CSMD1: variants seen among roughly 807,000 people sequenced by gnomAD.
CSMD1 encodes the protein CUB and Sushi multiple domains 1.
Under a neutral mutation model 417.5 loss-of-function variants are expected in CSMD1, and 213 were observed. The observed-to-expected ratio is 0.51, with a 90% confidence interval of 0.46 to 0.57. CSMD1 has a LOEUF of 0.57. Among genes scored for constraint, CSMD1 ranks in the 20% least tolerant of loss-of-function variants. The pLI, the probability that CSMD1 is intolerant of heterozygous loss-of-function variation, is 0.00. For synonymous variants in CSMD1, 2,862 were observed against 1,736.8 expected, an observed-to-expected ratio of 1.65 and a Z score of -16.11; for missense variants, 6,923 against 4,529.7, an observed-to-expected ratio of 1.53 and a Z score of -15.17.
intron 5 of CSMD1, among the ~76,000 whole-genome samples, chr8:3,951,467 T>C (rs1383910793): frequency 6.6e-6 from 1 of 152,196 alleles, no homozygotes. Flanking sequence ...TTTCCTCCGC[T>C]TGTGGGATTC....
intron 8 of CSMD1, among the ~76,000 whole-genome samples, chr8:3,588,600 T>C (rs2117012193): frequency 6.6e-6 from 1 of 152,284 alleles, no homozygotes; most frequent in South Asian, 2.1e-4. Flanking sequence ...ATCTTTTTCA[T>C]GCATTTTTTT....
chr8:4,306,984 C>T (rs1034279238), intron 3 of CSMD1, among the ~76,000 whole-genome samples: 1 of 152,096 alleles, frequency 6.6e-6, no homozygotes, highest in African/African-American at 2.4e-5. Context: ...CTGTCTTTTC[C>T]CATCTGTCAC....
At chr8:4,689,698 C>T (rs1328340939) in intron 1 of CSMD1, among the ~76,000 whole-genome samples, 1 of 152,072 alleles carries the variant, frequency 6.6e-6, no homozygotes, top group African/African-American at 2.4e-5. Flanking sequence ...TGCTTTGGTT[C>T]CTGGCCAAAT....
chr8:4,780,255 C>G (rs1797085499), intron 1 of CSMD1, among the ~76,000 whole-genome samples: 1 of 152,190 alleles, frequency 6.6e-6, no homozygotes. Flanking sequence ...TGAAGGTGTG[C>G]AGATTGGCAT....
At chr8:4,025,279 C>A (rs1032097806) in intron 4 of CSMD1, among the ~76,000 whole-genome samples, 1 of 152,156 alleles carries the variant, frequency 6.6e-6, no homozygotes, top group Non-Finnish European at 1.5e-5. Flanking sequence ...TTCTTGTATG[C>A]CCCTATCCAA....
At chr8:4,890,523 C>T (rs1414222458) in intron 1 of CSMD1, among the ~76,000 whole-genome samples, 1 of 150,422 alleles carries the variant, frequency 6.6e-6, no homozygotes, top group East Asian at 2.0e-4. Flanking sequence ...CAGGTGAGAG[C>T]GTGACTCTGA....
At chr8:4,822,956 T>C (rs1799603931) in intron 1 of CSMD1, among the ~76,000 whole-genome samples, 1 of 152,196 alleles carries the variant, frequency 6.6e-6, no homozygotes, top group Non-Finnish European at 1.5e-5. Context: ...ACTTTGCCTC[T>C]GATGATCCCA....
intron 2 of CSMD1, among the ~76,000 whole-genome samples, chr8:4,524,574 T>TC (rs978080684): frequency 1.3e-5 from 2 of 150,982 alleles, no homozygotes; most frequent in African/African-American, 2.4e-5. Context: ...TTGGTCTTTT[T>TC]TTTTTTTTTT....
chr8:3,989,198 G>T (rs1285651157), intron 5 of CSMD1, among the ~76,000 whole-genome samples: 1 of 152,106 alleles, frequency 6.6e-6, no homozygotes, highest in Non-Finnish European at 1.5e-5. Flanking sequence ...GCTCTCTCAG[G>T]GATGTGGCAA....
chr8:4,211,009 G>C (rs894097730), intron 3 of CSMD1, among the ~76,000 whole-genome samples: 1 of 152,044 alleles, frequency 6.6e-6, no homozygotes, highest in Non-Finnish European at 1.5e-5. Context: ...GAACCACAAT[G>C]AAATAAAAGT....
intron 3 of CSMD1, among the ~76,000 whole-genome samples, chr8:4,185,863 G>C (rs1045910477): frequency 2.0e-5 from 3 of 152,184 alleles, no homozygotes; most frequent in African/African-American, 7.2e-5. Flanking sequence ...AACCGTTCTT[G>C]TAGGCCTGAG....
chr8:3,889,452 CAT>C (rs1171842639), intron 5 of CSMD1, among the ~76,000 whole-genome samples: 2,094 of 45,340 alleles, frequency 0.046, 38 homozygotes, highest in East Asian at 0.11. Context: ...CTGATCTTTC[CAT>C]ATATATATAT....
intron 1 of CSMD1, among the ~76,000 whole-genome samples, chr8:4,728,135 T>C (rs7008439): frequency 0.51 from 74,204 of 146,368 alleles, 21,657 homozygotes; most frequent in East Asian, 0.82. Context: ...CATAAGATCA[T>C]ACCTATATAT....
chr8:4,418,717 T>A (rs908091222), intron 3 of CSMD1, among the ~76,000 whole-genome samples: 1 of 152,190 alleles, frequency 6.6e-6, no homozygotes, highest in Admixed American at 6.6e-5. Context: ...TCATCAATGA[T>A]ACAATCAAAA....
rs1221040081 is a variant in CSMD1 at position 4,031,925 on chromosome 8, A to T, written c.590T>A (p.Phe197Tyr). 2 of 1,613,640 alleles carry T rather than the reference A, an allele frequency of 1.2e-6. No individual in the cohort carries two copies. The highest frequency in any genetic ancestry group is 2.2e-5 in the East Asian group (1 of 44,860). Reference protein sequence around the residue: ...VSPGNGASWDFPAPFCRAEGA... With the variant: ...VSPGNGASWDYPAPFCRAEGA... The stretch of plus-strand genomic sequence containing the variant: ...TGTACCTCTGCAAAAGGGAGCTGGG[A>T]AGTCCCACGATGCACCATTTCCTGG... The change falls in exon 4 of 70, where the codon TTC becomes TAC. Residue 197 changes from phenylalanine to tyrosine, a missense_variant. Physicochemically the swap from Phe to Tyr is conservative, Grantham distance 22. Coordinates refer to ENST00000635120, the MANE Select transcript of CSMD1 (RefSeq NM_033225.6).
chr8:2,972,941 C>A (rs1002489843), intron 57 of CSMD1, among the ~76,000 whole-genome samples, 176 bp downstream of exon 57: 4 of 152,312 alleles, frequency 2.6e-5, no homozygotes, highest in East Asian at 1.9e-4. Flanking sequence ...ACTTGGAATA[C>A]CTCCATGCAC....
In CSMD1 at chr8:4,828,362, C is replaced by G. The variant is rs559873606; in HGVS notation, c.85+165970G>C. Among the ~76,000 whole-genome samples the G allele has an allele frequency of 1.4e-4, 21 of 152,170 alleles. No homozygotes were observed. In the South Asian group the frequency reaches 4.4e-3, roughly 32 times the overall value. ...AAGGTAGCATAAGCCCAATTGTTGA[C>G]CTGAATATGGAAGACCACAATGACT... On this transcript the variant is annotated intron_variant, in intron 1 of 69. Coordinates refer to ENST00000635120, the MANE Select transcript of CSMD1 (RefSeq NM_033225.6).
chr8:4,496,697 C>G (rs1347334204), intron 2 of CSMD1, among the ~76,000 whole-genome samples: 2 of 152,116 alleles, frequency 1.3e-5, no homozygotes, highest in African/African-American at 4.8e-5. Context: ...GCAGGCACAG[C>G]ACTTGCATTC....
chr8:4,196,313 C>A (rs1418766175), intron 3 of CSMD1, among the ~76,000 whole-genome samples: 3 of 152,144 alleles, frequency 2.0e-5, no homozygotes, highest in African/African-American at 7.2e-5. Context: ...TCTATCGCTG[C>A]CGTACATTAC....
Sources: gnomAD v4.1 joint callset for allele counts (sites outside exome capture counted in the v4.1 genomes callset) on GRCh38, gnomAD v4.1.1 for gene constraint, MANE v1.5 for transcripts, NCBI Gene and HGNC (gene_info 2026-07-23, HGNC 2026-07-21) for gene names.